The following DSG4 variants were observed in gnomAD, a reference collection of about 807,000 sequenced individuals.
DSG4 encodes desmoglein 4.
DSG4 carries 87 observed loss-of-function variants against 93.1 expected under a neutral mutation model. The observed-to-expected ratio is 0.93, with a 90% confidence interval of 0.79 to 1.12. The LOEUF (loss-of-function observed/expected upper bound fraction) is 1.12, where lower values mean the gene tolerates loss of function less well. Among genes scored for constraint, DSG4 ranks in the 50% most tolerant of loss-of-function variants. The pLI, the probability that DSG4 is intolerant of heterozygous loss-of-function variation, is 0.00. For synonymous variants in DSG4, 432 were observed against 452.9 expected, an observed-to-expected ratio of 0.95 and a Z score of 0.59; for missense variants, 1,373 against 1,285.7, an observed-to-expected ratio of 1.07 and a Z score of -1.04.
In DSG4 at chr18:31,394,680, GA is replaced by G. The variant is rs5823804; in HGVS notation, c.1005+2355del. Among the ~76,000 whole-genome samples, 899 of 146,022 alleles carry G rather than the reference GA, an allele frequency of 6.2e-3. 9 individuals are homozygous for G. The highest frequency in any genetic ancestry group is 0.043 in the East Asian group (215 of 5,030). On this transcript the variant is annotated intron_variant, in intron 8 of 15. Coordinates refer to ENST00000308128, the MANE Select transcript of DSG4 (RefSeq NM_177986.5). ...ATCTAAGGCAATGGCAGTAAAAATG[GA>G]AAAAAAAAAAAAAAGGAATGGGTAT... is the stretch of plus-strand genomic sequence containing the variant.
rs574353088 is a variant in DSG4, at chr18:31,392,009, C to G, written c.820-146C>G. 5 of 697,064 alleles carry G rather than the reference C, an allele frequency of 7.2e-6. No homozygotes were observed. In the East Asian group the frequency reaches 1.1e-4, roughly 15 times the overall value. 43.2% of individuals were successfully genotyped at this position (697,064 alleles called of 1,614,324 possible). ...ATCTTATAATCATTTTATTCTTATTCTCCTGATTGGACTATGGGCATTTAA... is the reference window on the plus strand; with the variant it reads ...ATCTTATAATCATTTTATTCTTATTGTCCTGATTGGACTATGGGCATTTAA... On this transcript the variant is annotated intron_variant, in intron 7 of 15. Transcript: ENST00000308128.
At chr18:31,379,320 G>C (rs113537665) in intron 1 of DSG4, among the ~76,000 whole-genome samples, 12 of 152,260 alleles carry the variant, frequency 7.9e-5, no homozygotes, top group African/African-American at 2.9e-4. Context: ...ATGTTATTAA[G>C]TTGCTTCCAC....
intron 11 of DSG4, 66 bp downstream of exon 11, chr18:31,403,700 T>C (rs1381518011): frequency 6.9e-7 from 1 of 1,457,960 alleles, no homozygotes; most frequent in Non-Finnish European, 9.6e-7. Context: ...CCAAAAAATG[T>C]GGCAAGTCAC....
At chr18:31,382,820 C>A (rs551586854) in intron 1 of DSG4, among the ~76,000 whole-genome samples, 1 of 152,204 alleles carries the variant, frequency 6.6e-6, no homozygotes, top group South Asian at 2.1e-4. Flanking sequence ...AGATGAAAAC[C>A]CTGGGTCCTA....
At chr18:31,376,997 C>CTTT (rs1354667129) in intron 1 of DSG4, 38 bp downstream of exon 1, 1 of 1,604,036 alleles carries the variant, frequency 6.2e-7, no homozygotes, top group African/African-American at 1.3e-5. Flanking sequence ...GAAATGCAGC[C>CTTT]TCAAGGTCTT....
At chr18:31,386,960 T>TGGA in intron 3 of DSG4, 141 bp downstream of exon 3, 1 of 1,375,876 alleles carries the variant, frequency 7.3e-7, no homozygotes, top group Non-Finnish European at 1.0e-6. Context: ...GCTGAGCCAC[T>TGGA]GATTTGAATA....
Position 31,388,523 on chromosome 18 carries a change from G to T in DSG4, c.372+1G>T. On this transcript the variant is annotated splice_donor_variant, in intron 4 of 15. Transcript: ENST00000308128. LOFTEE classifies it high-confidence loss of function. ...CAGAGAAATAACTCCACTTTTCTTG[G>T]TAAGTCATAGCCATATGTTTTGATT... is the stretch of plus-strand genomic sequence containing the variant. The T allele has an allele frequency of 6.2e-7, 1 of 1,613,088 alleles. No individual in the cohort carries two copies. Among genetic ancestry groups the T allele is most frequent in the Non-Finnish European group, 8.5e-7 (1 of 1,179,392 alleles).
rs576325184 is a variant in DSG4 at position 31,407,073 on chromosome 18, G to T, written c.1933+700G>T. Reference sequence around the variant, plus strand: ...TTACAGGCATGAGCCACTGCACCCTGCTGAGGATTTCTTTTAAAGGAGGAT... The same window carrying T: ...TTACAGGCATGAGCCACTGCACCCTTCTGAGGATTTCTTTTAAAGGAGGAT... On this transcript the variant is annotated intron_variant, in intron 12 of 15. Transcript: ENST00000308128. 2.0e-4 allele frequency among the ~76,000 whole-genome samples: 31 copies of T among 152,230 alleles called. 1 individual carries two copies. The South Asian group carries it at 5.8e-3, about 29-fold the overall frequency.
At position 31,378,899 on chromosome 18, in the gene DSG4, C is replaced by A. The variant is rs146730593; in HGVS notation, c.48+1940C>A. On this transcript the variant is annotated intron_variant, in intron 1 of 15. Coordinates refer to ENST00000308128, the MANE Select transcript of DSG4 (RefSeq NM_177986.5). The stretch of plus-strand genomic sequence containing the variant: ...TTCCTGAACTTGAACTCTGCCCCTT[C>A]TTCATTAACTAAATCAAAGACTCTC... Among the ~76,000 whole-genome samples the A allele has an allele frequency of 2.5e-3, 376 of 152,278 alleles. 3 individuals are homozygous for A. Among genetic ancestry groups the A allele is most frequent in the African/African-American group, 8.7e-3 (361 of 41,568 alleles).
intron 4 of DSG4, 88 bp downstream of exon 4, chr18:31,388,610 T>C: frequency 6.5e-7 from 1 of 1,535,928 alleles, no homozygotes; most frequent in Non-Finnish European, 8.9e-7. Flanking sequence ...GGATTACTTT[T>C]GATAAAACAT....
intron 1 of DSG4, among the ~76,000 whole-genome samples, chr18:31,383,581 A>G (rs1198740069): frequency 6.6e-6 from 1 of 152,098 alleles, no homozygotes; most frequent in Non-Finnish European, 1.5e-5. Context: ...CAAGTTTAAA[A>G]TACTAGAGTT....
intron 5 of DSG4, 37 bp from the exon 6 acceptor site, chr18:31,390,619 A>G: frequency 6.2e-7 from 1 of 1,611,656 alleles, no homozygotes; most frequent in African/African-American, 1.3e-5. Flanking sequence ...TTATTCTAAG[A>G]GTCCCAACCA....
rs757393130 is a variant in DSG4, at chr18:31,403,505, A to T, written c.1507A>T (p.Thr503Ser). The change falls in exon 11 of 16, where the codon ACC becomes TCC. Residue 503 changes from threonine (T) to serine (S), a missense_variant. Thr to Ser is a moderately conservative substitution (Grantham distance 58). Transcript: ENST00000308128. ...YCPNIFPERRTICIDSPSVLI... is the reference protein window; with the variant it reads ...YCPNIFPERRSICIDSPSVLI... ...TCCAAACATTTTTCCTGAAAGAAGA[A>T]CCATCTGCATTGACTCTCCATCAGT... The T allele has an allele frequency of 9.3e-6, 15 of 1,614,056 alleles. No individual in the cohort carries two copies. In the South Asian group the frequency reaches 1.5e-4, roughly 17 times the overall value.
chr18:31,398,920 T>C (rs2072333950), intron 8 of DSG4, among the ~76,000 whole-genome samples: 1 of 152,226 alleles, frequency 6.6e-6, no homozygotes, highest in Non-Finnish European at 1.5e-5. Flanking sequence ...CATTCAATAG[T>C]GTGAACAGTT....
chr18:31,406,219 C>T lies in DSG4; in HGVS notation c.1779C>T (p.His593=), dbSNP rs777617912. Residue 593 remains histidine, a synonymous_variant, in exon 12 of 16, where the codon CAC becomes CAT. Coordinates refer to ENST00000308128, the MANE Select transcript of DSG4 (RefSeq NM_177986.5). ...QLYACDCDDN[H]MCLDSGAAGI... is the part of the protein sequence containing the mutation. ...ATGCCTGTGATTGCGATGACAACCACATGTGCCTGGACTCTGGTGCCGCGG... is the reference window on the plus strand; with the variant it reads ...ATGCCTGTGATTGCGATGACAACCATATGTGCCTGGACTCTGGTGCCGCGG... The T allele has an allele frequency of 1.2e-5, 19 of 1,614,058 alleles. No individual in the cohort carries two copies. The highest frequency in any genetic ancestry group is 1.7e-5 in the Admixed American group (1 of 59,998).
intron 7 of DSG4, 121 bp from the exon 8 acceptor site, chr18:31,392,031 TTAA>T: frequency 1.1e-6 from 1 of 878,232 alleles, no homozygotes; most frequent in Non-Finnish European, 1.8e-6. Context: ...CTATGGGCAT[TTAA>T]TAATGGTGCA....
chr18:31,388,524 T>C lies in DSG4; in HGVS notation c.372+2T>C. 2.5e-6 allele frequency: 4 copies of C among 1,613,264 alleles called. No homozygotes were observed. Among genetic ancestry groups the C allele is most frequent in the South Asian group, 1.1e-5 (1 of 91,072 alleles). Reference sequence around the variant, plus strand: ...AGAGAAATAACTCCACTTTTCTTGGTAAGTCATAGCCATATGTTTTGATTT... The same window carrying C: ...AGAGAAATAACTCCACTTTTCTTGGCAAGTCATAGCCATATGTTTTGATTT... On this transcript the variant is annotated splice_donor_variant, in intron 4 of 15. Coordinates refer to ENST00000308128, the MANE Select transcript of DSG4 (RefSeq NM_177986.5). LOFTEE classifies it high-confidence loss of function.
At chr18:31,391,285 C>CATAAGTGTCAATAATCA in intron 7 of DSG4, 73 bp downstream of exon 7, 1 of 1,589,298 alleles carries the variant, frequency 6.3e-7, no homozygotes, top group African/African-American at 1.3e-5. Context: ...AATAATCAAT[C>CATAAGTGTCAATAATCA]ATGCTGGCTC....
At chr18:31,386,474 A>G (rs1011805224) in intron 2 of DSG4, among the ~76,000 whole-genome samples, 21 of 152,198 alleles carry the variant, frequency 1.4e-4, no homozygotes, top group African/African-American at 4.8e-4. Context: ...CACTAGAATC[A>G]AATAATTGGA....
Sources: gnomAD v4.1 joint callset for allele counts (sites outside exome capture counted in the v4.1 genomes callset) on GRCh38, gnomAD v4.1.1 for gene constraint, MANE v1.5 for transcripts, NCBI Gene and HGNC (gene_info 2026-07-23, HGNC 2026-07-21) for gene names.